The following MAP4K3 variants were observed in gnomAD, a reference collection of about 807,000 sequenced individuals.
The protein encoded by MAP4K3 is mitogen-activated protein kinase kinase kinase kinase 3, also known as MAPK/ERK kinase kinase kinase 3.
MAP4K3 carries 94 observed loss-of-function variants against 143.5 expected under a neutral mutation model. The observed-to-expected ratio is 0.65, with a 90% confidence interval of 0.55 to 0.78. The LOEUF (loss-of-function observed/expected upper bound fraction) is 0.78, where lower values mean the gene tolerates loss of function less well. MAP4K3 is among the 30% of genes least tolerant of loss of function. The pLI is 0.00. For synonymous variants in MAP4K3, 416 were observed against 347.2 expected, an observed-to-expected ratio of 1.20 and a Z score of -2.20; for missense variants, 1,077 against 1,068.1, an observed-to-expected ratio of 1.01 and a Z score of -0.12.
At position 39,337,752 on chromosome 2, in the gene MAP4K3, G is replaced by GTTTTTTTTTTTTT. The variant is rs570853243; in HGVS notation, c.311-184_311-172dup. Among the ~76,000 whole-genome samples the GTTTTTTTTTTTTT allele has an allele frequency of 1.4e-4, 10 of 70,518 alleles. 1 individual carries two copies. Among genetic ancestry groups the GTTTTTTTTTTTTT allele is most frequent in the Admixed American group, 5.0e-4 (2 of 3,992 alleles). 46.3% of individuals were successfully genotyped at this position (70,518 alleles called of 152,430 possible). On this transcript the variant is annotated intron_variant, in intron 4 of 33. Coordinates refer to ENST00000263881, the MANE Select transcript of MAP4K3 (RefSeq NM_003618.4). ...TACTGTCCTACTGTGCCTGGCTCCA[G>GTTTTTTTTTTTTT]TTTTTTTTTTTTTTTTTTTTTTTTT...
chr2:39,268,842 G>T (rs1187986344), intron 26 of MAP4K3, among the ~76,000 whole-genome samples: 3 of 152,026 alleles, frequency 2.0e-5, no homozygotes, highest in Middle Eastern at 3.4e-3. Context: ...GTTTCGACAT[G>T]TTGGCCAGGT....
chr2:39,355,245 C>G (rs1665577179), intron 3 of MAP4K3, among the ~76,000 whole-genome samples: 1 of 151,034 alleles, frequency 6.6e-6, no homozygotes, highest in African/African-American at 2.4e-5. Flanking sequence ...GCTGCAGTCC[C>G]AGGTACTCAG....
intron 1 of MAP4K3, among the ~76,000 whole-genome samples, chr2:39,408,154 C>T (rs1667145159): frequency 6.6e-6 from 1 of 152,168 alleles, no homozygotes; most frequent in African/African-American, 2.4e-5. Flanking sequence ...AAAAAACCAT[C>T]TAGATAACAA....
At chr2:39,295,060 GCTA>G (rs1018340824) in intron 16 of MAP4K3, among the ~76,000 whole-genome samples, 2 of 150,658 alleles carry the variant, frequency 1.3e-5, no homozygotes, top group African/African-American at 4.9e-5. Context: ...GTAAAACAAT[GCTA>G]CTTTTTTTTA....
intron 2 of MAP4K3, among the ~76,000 whole-genome samples, chr2:39,367,890 C>T (rs1328375928): frequency 6.6e-6 from 1 of 152,078 alleles, no homozygotes; most frequent in African/African-American, 2.4e-5. Context: ...AGATTTTTTT[C>T]ATCCCAAAGA....
intron 1 of MAP4K3, among the ~76,000 whole-genome samples, chr2:39,397,111 A>G (rs1666830282): frequency 6.6e-6 from 1 of 152,206 alleles, no homozygotes; most frequent in Admixed American, 6.5e-5. Context: ...GATTCTTTTT[A>G]AACTTGCTGA....
chr2:39,325,232 A>T (rs7578136), intron 12 of MAP4K3, among the ~76,000 whole-genome samples: 1 of 152,124 alleles, frequency 6.6e-6, no homozygotes, highest in South Asian at 2.1e-4. Context: ...CAACTTCACC[A>T]AAAATGGCTA....
chr2:39,309,649 C>A (rs1273955969), intron 13 of MAP4K3, 130 bp from the exon 14 acceptor site: 7 of 555,666 alleles, frequency 1.3e-5, no homozygotes, highest in Admixed American at 3.4e-5. Flanking sequence ...TCTCCACCCC[C>A]TGGGTTCCCA....
At position 39,249,305 on chromosome 2, in the gene MAP4K3, A is replaced by C. The variant is rs902139841; in HGVS notation, c.*1313T>G. On this transcript the variant is annotated 3_prime_UTR_variant, in exon 34 of 34. Coordinates refer to ENST00000263881, the MANE Select transcript of MAP4K3 (RefSeq NM_003618.4). ...ATGTTAAAAAACATGTTTATTTTAC[A>C]ATATGTACAATCAGGAACATATTTT... 1 of 152,644 alleles carries C rather than the reference A, an allele frequency of 6.6e-6. No individual in the cohort carries two copies. Among genetic ancestry groups the C allele is most frequent in the Non-Finnish European group, 1.5e-5 (1 of 68,038 alleles). 9.5% of individuals were successfully genotyped at this position (152,644 alleles called of 1,614,324 possible).
At chr2:39,309,118 A>G (rs1682844892) in intron 14 of MAP4K3, among the ~76,000 whole-genome samples, 1 of 152,114 alleles carries the variant, frequency 6.6e-6, no homozygotes, top group Non-Finnish European at 1.5e-5. Context: ...ACGATTTTAA[A>G]AAAAATTTTA....
At chr2:39,258,895 T>C (rs1680452115) in intron 29 of MAP4K3, among the ~76,000 whole-genome samples, 1 of 152,268 alleles carries the variant, frequency 6.6e-6, no homozygotes, top group Admixed American at 6.5e-5. Flanking sequence ...ACTTTTCTTC[T>C]TTTAAAAACC....
intron 19 of MAP4K3, among the ~76,000 whole-genome samples, chr2:39,288,751 C>T (rs561940499): frequency 1.3e-5 from 2 of 152,058 alleles, no homozygotes; most frequent in African/African-American, 4.8e-5. Context: ...GAGAGGATAC[C>T]AATTAAAATG....
At chr2:39,264,409 G>C (rs1655129959) in intron 28 of MAP4K3, among the ~76,000 whole-genome samples, 1 of 152,162 alleles carries the variant, frequency 6.6e-6, no homozygotes, top group South Asian at 2.1e-4. Context: ...GGGTAAAACT[G>C]ATATGAAAAC....
rs766218683 is a variant in MAP4K3, at chr2:39,282,572, G to A, written c.1588-18C>T. On this transcript the variant is annotated intron_variant, in intron 21 of 33. Coordinates refer to ENST00000263881, the MANE Select transcript of MAP4K3 (RefSeq NM_003618.4). Reference sequence around the variant, plus strand: ...ATAGGCTTCTAGAAAAAGAACACATGTATGATTACACTTTTTTTGCTGCTG... The same window carrying A: ...ATAGGCTTCTAGAAAAAGAACACATATATGATTACACTTTTTTTGCTGCTG... 3.8e-6 allele frequency: 6 copies of A among 1,595,576 alleles called. No individual in the cohort carries two copies. In the Admixed American group the frequency reaches 5.1e-5, roughly 13 times the overall value.
chr2:39,412,140 G>C (rs935134122), intron 1 of MAP4K3, among the ~76,000 whole-genome samples: 5 of 152,140 alleles, frequency 3.3e-5, no homozygotes, highest in African/African-American at 1.2e-4. Flanking sequence ...GCAATGATTT[G>C]CCAAATAAGA....
intron 26 of MAP4K3, 64 bp downstream of exon 26, chr2:39,272,219 G>A: frequency 7.9e-7 from 1 of 1,263,984 alleles, no homozygotes; most frequent in South Asian, 1.3e-5. Context: ...TTCACTTTCT[G>A]TAACATAAAT....
chr2:39,351,551 T>G (rs1665458824), intron 3 of MAP4K3, among the ~76,000 whole-genome samples: 1 of 152,216 alleles, frequency 6.6e-6, no homozygotes, highest in South Asian at 2.1e-4. Context: ...AACACTGCAC[T>G]CTACATGCTA....
chr2:39,370,277 T>C (rs1324103001), intron 2 of MAP4K3, among the ~76,000 whole-genome samples: 1 of 152,188 alleles, frequency 6.6e-6, no homozygotes, highest in Non-Finnish European at 1.5e-5. Flanking sequence ...TATCCATGAT[T>C]AACCTTTGAA....
chr2:39,293,209 AAG>A lies in MAP4K3; in HGVS notation c.1217+19_1217+20del, dbSNP rs1682125474. 1 of 1,510,362 alleles carries A rather than the reference AAG, an allele frequency of 6.6e-7. No individual in the cohort carries two copies. The allele number at this position is 1,510,362 out of a possible 1,614,324, so 93.6% of individuals were successfully genotyped here. On this transcript the variant is annotated intron_variant, in intron 17 of 33. Coordinates refer to ENST00000263881, the MANE Select transcript of MAP4K3 (RefSeq NM_003618.4). ...ACTTGTCTGTGACATAAAGTACTTT[AAG>A]ATTAAAAATTAAAATTACCGCTGAT...
Sources: gnomAD v4.1 joint callset for allele counts (sites outside exome capture counted in the v4.1 genomes callset) on GRCh38, gnomAD v4.1.1 for gene constraint, MANE v1.5 for transcripts, NCBI Gene and HGNC (gene_info 2026-07-23, HGNC 2026-07-21) for gene names.